SPINK5: variants seen among roughly 807,000 people sequenced by gnomAD.
The protein encoded by SPINK5 is serine peptidase inhibitor Kazal type 5, also known as serine protease inhibitor Kazal-type 5.
A neutral mutation model predicts 151.8 loss-of-function variants in SPINK5; 125 were observed. That is an observed-to-expected ratio of 0.82 (90% CI 0.71 to 0.96). The LOEUF (loss-of-function observed/expected upper bound fraction) is 0.96. Among genes scored for constraint, SPINK5 ranks in the 40% least tolerant of loss-of-function variants. SPINK5 has a pLI of 0.00. For missense variants in SPINK5, 1,194 were observed against 1,291.9 expected (o/e 0.92, Z 1.16); for synonymous variants, 374 against 395.3 (o/e 0.95, Z 0.64).
chr5:148,131,369 C>T lies in SPINK5; in HGVS notation c.3075C>T (p.Cys1025=), dbSNP rs571812048. 3.2e-5 allele frequency: 52 copies of T among 1,613,918 alleles called. 1 individual carries two copies. The highest frequency in any genetic ancestry group is 2.3e-4 in the South Asian group (21 of 91,076). The change falls in exon 31 of 33, where the codon TGC becomes TGT. Residue 1025 remains cysteine, a synonymous_variant. Transcript: ENST00000256084. ...GDDGQTYNNP[C]MLCHENLIRQ... is the part of the protein sequence containing the mutation. ...ATGGCCAAACCTACAACAATCCTTG[C>T]ATGCTCTGTCATGAAAACCTGTAAG...
At chr5:148,133,480 C>A (rs1279937381) in intron 31 of SPINK5, among the ~76,000 whole-genome samples, 1 of 152,176 alleles carries the variant, frequency 6.6e-6, no homozygotes, top group Non-Finnish European at 1.5e-5. Context: ...TCTCTGGGAT[C>A]TGATTCTCGC....
chr5:148,133,968 A>G (rs978831641), intron 32 of SPINK5, 81 bp downstream of exon 32: 4 of 1,426,526 alleles, frequency 2.8e-6, no homozygotes, highest in African/African-American at 1.4e-5. Context: ...CCACTGAGTA[A>G]TGGACATTTA....
chr5:148,128,758 C>T (rs1322380565), intron 30 of SPINK5, among the ~76,000 whole-genome samples: 2 of 152,178 alleles, frequency 1.3e-5, no homozygotes, highest in Non-Finnish European at 2.9e-5. Context: ...CTCCTGACCT[C>T]GTGATCCGCC....
intron 2 of SPINK5, among the ~76,000 whole-genome samples, chr5:148,068,198 C>A (rs1752633840): frequency 6.6e-6 from 1 of 152,150 alleles, no homozygotes; most frequent in African/African-American, 2.4e-5. Flanking sequence ...TACTACTCTG[C>A]TACTCTGATG....
chr5:148,120,312 A>G lies in SPINK5; in HGVS notation c.2459A>G (p.Glu820Gly). The G allele has an allele frequency of 6.5e-7, 1 of 1,539,752 alleles. No individual in the cohort carries two copies. Among genetic ancestry groups the G allele is most frequent in the South Asian group, 1.2e-5 (1 of 84,360 alleles). The stretch of plus-strand genomic sequence containing the variant: ...CCCCCCAGGGAAAGGGAAGCAGCTG[A>G]AAAAAAAAAGAAAGAGGATGAAGAC... ...CKEKLEREAA[E>G]KKKKEDEDRS... Residue 820 changes from glutamate to glycine, a missense_variant, in exon 26 of 33, where the codon GAA becomes GGA. Coordinates refer to ENST00000256084, the MANE Select transcript of SPINK5 (RefSeq NM_006846.4).
In SPINK5 at chr5:148,095,427, A is replaced by G. The variant is rs79417807; in HGVS notation, c.795-391A>G. Among the ~76,000 whole-genome samples, 1,372 of 152,096 alleles carry G rather than the reference A, an allele frequency of 9.0e-3. 21 individuals carry two copies. Among genetic ancestry groups the G allele is most frequent in the African/African-American group, 0.032 (1,312 of 41,518 alleles). On this transcript the variant is annotated intron_variant, in intron 9 of 32. Coordinates refer to ENST00000256084, the MANE Select transcript of SPINK5 (RefSeq NM_006846.4). ...TCTCAAGAAGCTTAAGTTCAGTAGC[A>G]GAAATAAGCCATGGACATGTGCACA...
intron 9 of SPINK5, 140 bp from the exon 10 acceptor site, chr5:148,095,678 C>CT: frequency 1.4e-6 from 1 of 697,526 alleles, no homozygotes; most frequent in Non-Finnish European, 2.6e-6. Flanking sequence ...ATTAAAGGGT[C>CT]TTTTTGGGGA....
chr5:148,137,296 G>T lies in SPINK5; in HGVS notation c.*305G>T. The T allele has an allele frequency of 2.2e-6, 1 of 463,512 alleles. No homozygotes were observed. 28.7% of individuals were successfully genotyped at this position (463,512 alleles called of 1,614,324 possible). A position where few individuals can be genotyped will look rare whatever the true frequency, so the allele number is the denominator to read the frequency against. ...AAACTCAGCAGAACACCCTTTCTGG[G>T]ATTTCTTTGTCACTATCTGGATAAT... is the stretch of plus-strand genomic sequence containing the variant. On this transcript the variant is annotated 3_prime_UTR_variant, in exon 33 of 33. Transcript: ENST00000256084.
At position 148,124,838 on chromosome 5, in the gene SPINK5, G is replaced by T. The variant is rs766316221; in HGVS notation, c.2739+1G>T. 6 of 1,594,422 alleles carry T rather than the reference G, an allele frequency of 3.8e-6. No individual in the cohort carries two copies. The highest frequency in any genetic ancestry group is 2.7e-5 in the African/African-American group (2 of 73,978). ...TAGCAAGCCCTCAAATAATGCAAAG[G>T]TTATTTATTAAAGGATACCAAAATA... On this transcript the variant is annotated splice_donor_variant, in intron 28 of 32. Coordinates refer to ENST00000256084, the MANE Select transcript of SPINK5 (RefSeq NM_006846.4). LOFTEE classifies it high-confidence loss of function.
At chr5:148,122,072 G>T (rs1754283766) in intron 26 of SPINK5, among the ~76,000 whole-genome samples, 1 of 151,762 alleles carries the variant, frequency 6.6e-6, no homozygotes, top group South Asian at 2.1e-4. Context: ...GTTAAATAAG[G>T]TTTACCAATA....
At chr5:148,084,197 A>C (rs1388078923) in intron 4 of SPINK5, among the ~76,000 whole-genome samples, 1 of 151,942 alleles carries the variant, frequency 6.6e-6, no homozygotes, top group Non-Finnish European at 1.5e-5. Context: ...GTAATATTCC[A>C]TAATGGCTGT....
intron 4 of SPINK5, among the ~76,000 whole-genome samples, chr5:148,076,329 C>T (rs900205580): frequency 1.3e-5 from 2 of 151,638 alleles, no homozygotes; most frequent in African/African-American, 2.4e-5. Flanking sequence ...CTTAGCTGCA[C>T]ATCAGCAGCT....
chr5:148,093,659 C>CTT (rs536809477), intron 8 of SPINK5, among the ~76,000 whole-genome samples: 1 of 143,072 alleles, frequency 7.0e-6, no homozygotes, highest in Admixed American at 7.0e-5. Flanking sequence ...ACTTTTTTTT[C>CTT]TTTTTTTTTT....
intron 4 of SPINK5, among the ~76,000 whole-genome samples, chr5:148,083,854 T>C (rs996431661): frequency 4.0e-5 from 6 of 151,758 alleles, no homozygotes; most frequent in Non-Finnish European, 7.4e-5. Context: ...GTTTCTTATT[T>C]CCATTGCCTT....
Position 148,095,906 on chromosome 5 carries a change from G to C in SPINK5, c.882+1G>C. On this transcript the variant is annotated splice_donor_variant, in intron 10 of 32. Coordinates refer to ENST00000256084, the MANE Select transcript of SPINK5 (RefSeq NM_006846.4). LOFTEE classifies it high-confidence loss of function. ...AACTAAAGTTAAAAGAGAAATTGTG[G>C]TGAGAATCAGTTTGATCAATCTAGT... 1 of 1,609,574 alleles carries C rather than the reference G, an allele frequency of 6.2e-7. No individual in the cohort carries two copies.
At position 148,118,533 on chromosome 5, in the gene SPINK5, A is replaced by G. The variant is rs776793634; in HGVS notation, c.2209A>G (p.Asn737Asp). 6 of 1,614,148 alleles carry G rather than the reference A, an allele frequency of 3.7e-6. No individual in the cohort carries two copies. Among genetic ancestry groups the G allele is most frequent in the Non-Finnish European group, 5.1e-6 (6 of 1,180,002 alleles). ...ACGTGATGCTGATGGCAAATCGTAC[A>G]ACAATCAGTGTACCATGTGTAAAGC... The part of the protein sequence containing the change: ...PVRDADGKSY[N>D]NQCTMCKAKL... Residue 737 changes from asparagine to aspartate, a missense_variant, in exon 23 of 33, where the codon AAC (asparagine) becomes GAC (aspartate). Transcript: ENST00000256084.
At chr5:148,135,220 T>C (rs1581117032) in intron 32 of SPINK5, among the ~76,000 whole-genome samples, 5 of 152,254 alleles carry the variant, frequency 3.3e-5, no homozygotes, top group South Asian at 2.1e-4. Flanking sequence ...AAATTCTTAG[T>C]AGTTGGCTCC....
intron 32 of SPINK5, among the ~76,000 whole-genome samples, chr5:148,134,569 A>G (rs1471420148): frequency 6.6e-6 from 1 of 152,198 alleles, no homozygotes; most frequent in Non-Finnish European, 1.5e-5. Flanking sequence ...ATGACCTATG[A>G]AAATATTCAA....
Position 148,091,184 on chromosome 5 carries a change from G to A in SPINK5, c.622G>A (p.Ala208Thr), listed in dbSNP as rs200583548. The change falls in exon 8 of 33, where the codon GCC (alanine) becomes ACC (threonine). Residue 208 changes from alanine to threonine, a missense_variant. By Grantham distance (58) the Ala-to-Thr change is moderately conservative. Coordinates refer to ENST00000256084, the MANE Select transcript of SPINK5 (RefSeq NM_006846.4). ...AELFLKEAEN[A>T]KREGETRIRR... is the part of the protein sequence containing the mutation. ...TAACAGTTTAAAAGAAGCTGAAAAT[G>A]CCAAGCGAGAGGGTGAAACTAGAAT... is the stretch of plus-strand genomic sequence containing the variant. 6.8e-6 allele frequency: 11 copies of A among 1,611,276 alleles called. No homozygotes were observed. The highest frequency in any genetic ancestry group is 6.8e-6 in the Non-Finnish European group (8 of 1,178,576).
Sources: allele counts gnomAD v4.1 joint callset (sites outside exome capture counted in the v4.1 genomes callset), GRCh38; gene constraint gnomAD v4.1.1; transcripts MANE v1.5; gene names NCBI Gene and HGNC (gene_info 2026-07-23, HGNC 2026-07-21).